Variants in CPLX2 observed in about 807,000 individuals in gnomAD.
CPLX2 encodes the protein complexin 2, also known as complexin-2.
A neutral mutation model predicts 16.3 loss-of-function variants in CPLX2; 5 were observed. The observed-to-expected ratio is 0.31, with a 90% CI of 0.16 to 0.64. The LOEUF (loss-of-function observed/expected upper bound fraction) is 0.64, where lower values mean the gene tolerates loss of function less well. CPLX2 is among the 30% of genes least tolerant of loss of function. The pLI, the probability that CPLX2 is intolerant of heterozygous loss-of-function variation, is 0.79. For missense variants in CPLX2, 144 were observed against 181.4 expected (o/e 0.79, Z 1.18); for synonymous variants, 89 against 73.2 (o/e 1.22, Z -1.10).
At chr5:175,798,358 G>A (rs2245069) in intron 1 of CPLX2, among the ~76,000 whole-genome samples, 128,542 of 152,246 alleles carry the variant, frequency 0.84, 54,669 homozygotes, top group East Asian at 0.99. Flanking sequence ...CTGGGGACCT[G>A]TTATATACCA....
intron 2 of CPLX2, among the ~76,000 whole-genome samples, chr5:175,810,496 G>A (rs1758294532): frequency 6.6e-6 from 1 of 152,218 alleles, no homozygotes; most frequent in East Asian, 1.9e-4. Flanking sequence ...GACAAGAGCT[G>A]ACTCCAGCTT....
At chr5:175,875,286 G>C (rs1055495800) in intron 1 of CPLX2, among the ~76,000 whole-genome samples, 2 of 152,118 alleles carry the variant, frequency 1.3e-5, no homozygotes. Flanking sequence ...AGGGATGGAA[G>C]ATGTGAGGAA....
chr5:175,800,299 C>T (rs1758069086), intron 1 of CPLX2, among the ~76,000 whole-genome samples: 2 of 152,054 alleles, frequency 1.3e-5, no homozygotes, highest in Admixed American at 6.5e-5. Flanking sequence ...CAAGTTTCCC[C>T]AAGTCGTAGG....
chr5:175,825,090 A>T (rs190663617), intron 2 of CPLX2, among the ~76,000 whole-genome samples: 5 of 152,046 alleles, frequency 3.3e-5, no homozygotes, highest in Admixed American at 2.6e-4. Flanking sequence ...ACTAGGGTAC[A>T]GAGAAGCTTT....
Position 175,845,005 on chromosome 5 carries a change from C to T in CPLX2, c.-88-33647C>T, listed in dbSNP as rs1016078590. ...GTGAGCTTTTGGCTGCCCCTCTGCC[C>T]AGAACATTCCCTAACAAGGACCAGT... On this transcript the variant is annotated intron_variant, in intron 2 of 4. Transcript: ENST00000359546. The surrounding 1 kb of genome is among the most constrained non-coding windows in gnomAD (Gnocchi z 4.0). Among the ~76,000 whole-genome samples, 1 of 152,172 alleles carries T rather than the reference C, an allele frequency of 6.6e-6. No individual in the cohort carries two copies. The highest frequency in any genetic ancestry group is 1.9e-4 in the East Asian group (1 of 5,192).
chr5:175,859,454 C>T (rs1173708160), intron 2 of CPLX2, among the ~76,000 whole-genome samples: 2 of 152,214 alleles, frequency 1.3e-5, no homozygotes, highest in East Asian at 3.8e-4. Flanking sequence ...AGGAGGACCC[C>T]AGGGAAATCC....
At chr5:175,818,933 G>T (rs1311384072) in intron 2 of CPLX2, among the ~76,000 whole-genome samples, 2 of 152,050 alleles carry the variant, frequency 1.3e-5, no homozygotes, top group African/African-American at 2.4e-5. Flanking sequence ...AAAGTGCTGG[G>T]ATTACAGGCG....
chr5:175,872,040 G>C lies in CPLX2; in HGVS notation c.-89+335G>C, dbSNP rs1036029298. 1 of 152,336 alleles carries C rather than the reference G, an allele frequency of 6.6e-6. No homozygotes were observed. The highest frequency in any genetic ancestry group is 1.5e-5 in the Non-Finnish European group (1 of 68,124). 9.4% of individuals were successfully genotyped at this position (152,336 alleles called of 1,614,324 possible). ...CGGAGCCAGGACCGCCCCGGCTGCG[G>C]CGGAGACTCAAGTCTGAACCCAGAG... is the stretch of plus-strand genomic sequence containing the variant. On this transcript the variant is annotated intron_variant, in intron 1 of 3. Coordinates refer to ENST00000393745, the MANE Select transcript of CPLX2 (RefSeq NM_001008220.2). The surrounding 1 kb of genome is among the most constrained non-coding windows in gnomAD (Gnocchi z 5.0).
intron 2 of CPLX2, among the ~76,000 whole-genome samples, chr5:175,859,928 C>G (rs1225838905): frequency 6.6e-6 from 1 of 152,196 alleles, no homozygotes; most frequent in Non-Finnish European, 1.5e-5. Flanking sequence ...TCCAGCAGGT[C>G]CCTTCCAGGT....
At chr5:175,824,575 G>T (rs883188) in intron 2 of CPLX2, among the ~76,000 whole-genome samples, 38,596 of 152,164 alleles carry the variant, frequency 0.25, 6,525 homozygotes, top group East Asian at 0.56. Context: ...AAATGACCTA[G>T]AACTTGGCAG....
At chr5:175,834,229 G>C (rs1169650580) in intron 2 of CPLX2, among the ~76,000 whole-genome samples, 1 of 152,196 alleles carries the variant, frequency 6.6e-6, no homozygotes, top group African/African-American at 2.4e-5. Flanking sequence ...CAACTGCACA[G>C]AATTACTGTG....
Position 175,835,078 on chromosome 5 carries a change from A to G in CPLX2, c.-89+26010A>G, listed in dbSNP as rs202087041. Among the ~76,000 whole-genome samples, 12 of 152,336 alleles carry G rather than the reference A, an allele frequency of 7.9e-5. No homozygotes were observed. The East Asian group carries it at 1.9e-3, about 25-fold the overall frequency. On this transcript the variant is annotated intron_variant, in intron 2 of 4. Transcript: ENST00000359546. ...CTGTGAAGGCAAGCAGGATACATCA[A>G]TTTTAAGATATGTTTGAAGTTCATG...
intron 2 of CPLX2, among the ~76,000 whole-genome samples, chr5:175,836,263 T>C (rs548504272): frequency 6.6e-6 from 1 of 151,986 alleles, no homozygotes; most frequent in African/African-American, 2.4e-5. Context: ...GGCAGGAGAA[T>C]GGCATGAACC....
intron 2 of CPLX2, among the ~76,000 whole-genome samples, chr5:175,833,644 T>G (rs540640632): frequency 2.6e-5 from 4 of 152,092 alleles, no homozygotes; most frequent in Non-Finnish European, 5.9e-5. Flanking sequence ...AGAAACACTG[T>G]TTGACACATC....
chr5:175,854,322 C>T (rs1207960621), intron 2 of CPLX2, among the ~76,000 whole-genome samples: 1 of 152,184 alleles, frequency 6.6e-6, no homozygotes, highest in Non-Finnish European at 1.5e-5. Context: ...CTTCCTGCCA[C>T]CCTTGCTGCC....
chr5:175,851,349 G>T (rs186908745), intron 2 of CPLX2, among the ~76,000 whole-genome samples: 1 of 152,156 alleles, frequency 6.6e-6, no homozygotes, highest in African/African-American at 2.4e-5. Context: ...GTGAGGCTGG[G>T]GCTGACTGCC....
chr5:175,831,846 G>A (rs1758740967), intron 2 of CPLX2, among the ~76,000 whole-genome samples: 1 of 152,258 alleles, frequency 6.6e-6, no homozygotes, highest in Admixed American at 6.5e-5. Flanking sequence ...AAGCTAGTGA[G>A]GAGATGGGCG....
Position 175,849,247 on chromosome 5 carries a change from AC to A in CPLX2, c.-88-29403del, listed in dbSNP as rs1185878805. Among the ~76,000 whole-genome samples, 2 of 152,162 alleles carry A rather than the reference AC, an allele frequency of 1.3e-5. No homozygotes were observed. The highest frequency in any genetic ancestry group is 2.9e-5 in the Non-Finnish European group (2 of 68,022). On this transcript the variant is annotated intron_variant, in intron 2 of 4. Transcript: ENST00000359546. The surrounding 1 kb of genome is among the most constrained non-coding windows in gnomAD (Gnocchi z 4.4). ...GGGTGGCACTGACCTGTCCATTGTC[AC>A]CAGCCAGCAGCTCAAAGGGATGTCC...
At chr5:175,802,796 C>T (rs1758123992) in intron 1 of CPLX2, among the ~76,000 whole-genome samples, 1 of 152,118 alleles carries the variant, frequency 6.6e-6, no homozygotes, top group South Asian at 2.1e-4. Context: ...ACCAGATGCT[C>T]AACAAATGTG....
Sources: gnomAD v4.1 joint callset for allele counts (sites outside exome capture counted in the v4.1 genomes callset) on GRCh38, gnomAD v4.1.1 for gene constraint, Gnocchi (gnomAD v3.1) non-coding constraint, MANE v1.5 for transcripts, NCBI Gene and HGNC (gene_info 2026-07-23, HGNC 2026-07-21) for gene names.